Variants in SPECC1L observed in about 807,000 individuals in gnomAD.
The protein encoded by SPECC1L is cytospin-A.
Under a neutral mutation model 116.8 loss-of-function variants are expected in SPECC1L, and 40 were observed. The ratio of observed to expected loss-of-function variants is 0.34; its 90% confidence interval spans 0.27 to 0.45. The LOEUF (loss-of-function observed/expected upper bound fraction) is 0.45, where lower values mean the gene tolerates loss of function less well. Ranked by LOEUF, SPECC1L falls within the 20% of genes least tolerant of loss-of-function variation. The pLI, the probability that SPECC1L is intolerant of heterozygous loss-of-function variation, is 1.00. For missense variants in SPECC1L, 1,110 were observed against 1,373.6 expected (o/e 0.81, Z 3.03); for synonymous variants, 504 against 500.6 (o/e 1.01, Z -0.09).
intron 14 of SPECC1L, among the ~76,000 whole-genome samples, chr22:24,392,074 C>T (rs1206143882): frequency 3.3e-5 from 5 of 152,196 alleles, no homozygotes; most frequent in Non-Finnish European, 7.3e-5. Flanking sequence ...ATCTGCAAAT[C>T]AGAAAGGTGC....
chr22:24,401,907 G>T (rs1245403564), intron 14 of SPECC1L, among the ~76,000 whole-genome samples: 1 of 152,130 alleles, frequency 6.6e-6, no homozygotes, highest in Non-Finnish European at 1.5e-5. Context: ...GCACAGTGAG[G>T]ATTGAGGGTC....
chr22:24,282,305 C>T (rs1325554502), intron 2 of SPECC1L, among the ~76,000 whole-genome samples: 1 of 152,206 alleles, frequency 6.6e-6, no homozygotes, highest in Non-Finnish European at 1.5e-5. Flanking sequence ...CCTACGAAGG[C>T]AGTCTGGTGC....
chr22:24,303,598 A>T (rs2049426572), intron 3 of SPECC1L, among the ~76,000 whole-genome samples: 1 of 152,130 alleles, frequency 6.6e-6, no homozygotes, highest in Non-Finnish European at 1.5e-5. Flanking sequence ...TTGGCATTAG[A>T]TGTGCACTGC....
chr22:24,293,026 G>A (rs908470999), intron 2 of SPECC1L, among the ~76,000 whole-genome samples: 1 of 152,200 alleles, frequency 6.6e-6, no homozygotes, highest in Admixed American at 6.5e-5. Flanking sequence ...CCAGCAACTT[G>A]GGAGGCTGAG....
At position 24,363,263 on chromosome 22, in the gene SPECC1L, C is replaced by A; in HGVS notation, c.2746C>A (p.His916Asn). ...PNYGEIPVQE[H>N]LLRTSSASRP... ...GGGATTCTTTCTACTTTGTACAGAG[C>A]ATCTGTTAAGAACATCTTCAGCCAG... is the stretch of plus-strand genomic sequence containing the variant. Residue 916 changes from histidine to asparagine, a missense_variant and splice_region_variant, in exon 12 of 17, where the codon CAT (histidine) becomes AAT (asparagine). This residue lies in a region of SPECC1L where 575 missense variants were observed against 682.4 expected (regional missense o/e 0.84). Coordinates refer to ENST00000314328, the MANE Select transcript of SPECC1L (RefSeq NM_015330.6). 6.2e-7 allele frequency: 1 copy of A among 1,613,598 alleles called. No homozygotes were observed.
intron 4 of SPECC1L, among the ~76,000 whole-genome samples, chr22:24,314,454 C>T (rs1292464669): frequency 6.6e-6 from 1 of 152,204 alleles, no homozygotes; most frequent in East Asian, 1.9e-4. Context: ...ATTTAAATTT[C>T]CAACAGTCTT....
chr22:24,327,516 G>T (rs1424461754), intron 6 of SPECC1L, among the ~76,000 whole-genome samples: 2 of 151,986 alleles, frequency 1.3e-5, no homozygotes, highest in Non-Finnish European at 2.9e-5. Flanking sequence ...TTGCAAGCAG[G>T]TGTTCACTAT....
At chr22:24,324,458 G>A (rs1167260584) in intron 6 of SPECC1L, 31 bp downstream of exon 6, 2 of 1,583,856 alleles carry the variant, frequency 1.3e-6, no homozygotes, top group Non-Finnish European at 1.7e-6. Context: ...ATTCTTTTTT[G>A]TCCTACTCTT....
At chr22:24,408,082 G>T (rs946962932) in intron 14 of SPECC1L, among the ~76,000 whole-genome samples, 1 of 152,208 alleles carries the variant, frequency 6.6e-6, no homozygotes, top group African/African-American at 2.4e-5. Context: ...GAGTGAAAGT[G>T]AGTACTGCTC....
In SPECC1L at chr22:24,363,394, A is replaced by T. The variant is rs747461589; in HGVS notation, c.2827+50A>T. 6.1e-6 allele frequency: 9 copies of T among 1,481,772 alleles called. No individual in the cohort carries two copies. In the African/African-American group the frequency reaches 9.7e-5, roughly 16 times the overall value. The allele number at this position is 1,481,772 out of a possible 1,614,324, so 91.8% of individuals were successfully genotyped here. The stretch of plus-strand genomic sequence containing the variant: ...GTTGTATTTGTTGTTTTTTAGAGAC[A>T]GGATCTCACTATGTTGCCCAGGCTG... On this transcript the variant is annotated intron_variant, in intron 12 of 16. Transcript: ENST00000314328.
At chr22:24,278,952 T>C (rs1218659497) in intron 2 of SPECC1L, among the ~76,000 whole-genome samples, 2 of 152,196 alleles carry the variant, frequency 1.3e-5, no homozygotes, top group Non-Finnish European at 2.9e-5. Flanking sequence ...TGTACGTTTA[T>C]AAATTTTATC....
chr22:24,343,450 GT>G (rs754785113), intron 10 of SPECC1L: 394 of 399,900 alleles, frequency 9.9e-4, no homozygotes, highest in Middle Eastern at 2.3e-3. Flanking sequence ...AAATGGTTGT[GT>G]TTTTTTTTTG....
chr22:24,348,573 T>C (rs1433281850), intron 11 of SPECC1L, among the ~76,000 whole-genome samples: 2 of 152,214 alleles, frequency 1.3e-5, no homozygotes, highest in Non-Finnish European at 2.9e-5. Flanking sequence ...ACCTAAGCTC[T>C]TTTCTCCCCT....
At chr22:24,302,480 C>G (rs902237153) in intron 3 of SPECC1L, 96 bp downstream of exon 3, 1 of 1,497,496 alleles carries the variant, frequency 6.7e-7, no homozygotes, top group African/African-American at 1.4e-5. Context: ...AGGGGTGTGC[C>G]CTCTTCTGGT....
At chr22:24,294,430 GGAGT>G (rs1313482044) in intron 2 of SPECC1L, among the ~76,000 whole-genome samples, 1 of 148,766 alleles carries the variant, frequency 6.7e-6, no homozygotes, top group Non-Finnish European at 1.5e-5. Flanking sequence ...TGCCCAGGCT[GGAGT>G]GCAGCGGCAC....
intron 14 of SPECC1L, among the ~76,000 whole-genome samples, chr22:24,372,435 T>A (rs1380578049): frequency 6.6e-6 from 1 of 152,142 alleles, no homozygotes; most frequent in Non-Finnish European, 1.5e-5. Context: ...CATGATCATG[T>A]GGGCTTCATC....
At chr22:24,316,773 C>T (rs1282364774) in intron 4 of SPECC1L, among the ~76,000 whole-genome samples, 4 of 149,734 alleles carry the variant, frequency 2.7e-5, no homozygotes, top group Admixed American at 2.0e-4. Flanking sequence ...CATCATGGCC[C>T]ATTCTCAATG....
rs574687136 is a variant in SPECC1L, at chr22:24,275,635, G to A, written c.-141-1065G>A. ...ATTAAATTTCAACTTTGTCTATTGT[G>A]CATATAGCCTAAGGAAAACAAAAAG... On this transcript the variant is annotated intron_variant, in intron 1 of 16. Transcript: ENST00000314328. 3.9e-4 allele frequency among the ~76,000 whole-genome samples: 59 copies of A among 149,578 alleles called. 3 individuals carry two copies. The South Asian group carries it at 0.012, about 30-fold the overall frequency.
At chr22:24,327,307 A>G (rs535075035) in intron 6 of SPECC1L, among the ~76,000 whole-genome samples, 4 of 149,844 alleles carry the variant, frequency 2.7e-5, no homozygotes, top group South Asian at 4.2e-4. Flanking sequence ...AAAAAACATC[A>G]GAACACACAT....
Sources: allele counts gnomAD v4.1 joint callset (sites outside exome capture counted in the v4.1 genomes callset), GRCh38; gene constraint gnomAD v4.1.1; regional missense constraint gnomAD v4.1.1; transcripts MANE v1.5; gene names NCBI Gene and HGNC (gene_info 2026-07-23, HGNC 2026-07-21).